Variants in NDUFA11 observed in about 807,000 individuals in gnomAD.
NDUFA11 encodes NADH:ubiquinone oxidoreductase subunit A11.
Under a neutral mutation model 11.3 loss-of-function variants are expected in NDUFA11, and 14 were observed. The observed-to-expected ratio is 1.24, with a 90% CI of 0.82 to 1.94. The LOEUF is 1.94. NDUFA11 is among the 30% of genes most tolerant of loss of function. The probability of loss-of-function intolerance (pLI) is 0.00; values close to 1 mark genes in which losing one functional copy is unlikely to be tolerated. For missense variants in NDUFA11, 204 were observed against 200.3 expected (o/e 1.02, Z -0.11); for synonymous variants, 87 against 85.6 (o/e 1.02, Z -0.09).
intron 1 of NDUFA11, chr19:5,901,528 G>A: frequency 1.7e-6 from 2 of 1,204,758 alleles, no homozygotes; most frequent in East Asian, 1.2e-4. Flanking sequence ...TGATGATTAG[G>A]TCTGCCCTAA....
downstream of NDUFA11, among the ~76,000 whole-genome samples, chr19:5,893,737 G>T (rs2057591172): frequency 6.6e-6 from 1 of 152,212 alleles, no homozygotes; most frequent in African/African-American, 2.4e-5. This position sits in a 1 kb window ranked among gnomAD's most constrained non-coding sequence, Gnocchi z 4.1. Flanking sequence ...GACAGAGAAG[G>T]ATATGAGGCT....
In NDUFA11 at chr19:5,896,398, A is replaced by C. The variant is rs1235042098; in HGVS notation, c.313+55T>G. 8.7e-7 allele frequency: 1 copy of C among 1,148,140 alleles called. No individual in the cohort carries two copies. Among genetic ancestry groups the C allele is most frequent in the Non-Finnish European group, 1.1e-6 (1 of 890,174 alleles). The allele number at this position is 1,148,140 out of a possible 1,614,324, so 71.1% of individuals were successfully genotyped here. On this transcript the variant is annotated intron_variant, in intron 3 of 3. Transcript: ENST00000308961. The surrounding 1 kb of genome is among the most constrained non-coding windows in gnomAD (Gnocchi z 5.8). The stretch of plus-strand genomic sequence containing the variant: ...AGAGGGTGGAGGATGAGCAGAGGTC[A>C]GGGGTCATTCTGCCAGGCTGGGAGG...
intron 1 of NDUFA11, chr19:5,902,677 G>C (rs946353741): frequency 3.9e-5 from 6 of 152,398 alleles, no homozygotes; most frequent in African/African-American, 1.4e-4. Context: ...GAAACGCTCA[G>C]GCTGGAAGGG....
At chr19:5,903,055 C>G (rs1450625119) in intron 1 of NDUFA11, among the ~76,000 whole-genome samples, 1 of 151,738 alleles carries the variant, frequency 6.6e-6, no homozygotes, top group East Asian at 1.9e-4. Flanking sequence ...TGCGGGTCCC[C>G]TTCATTCCCC....
intron 1 of NDUFA11, 40 bp downstream of exon 1, chr19:5,903,572 G>T: frequency 6.5e-7 from 1 of 1,532,082 alleles, no homozygotes; most frequent in Non-Finnish European, 8.8e-7. Context: ...ACCTCCCTGC[G>T]GCCTCGGCCC....
downstream of NDUFA11, chr19:5,892,896 GAGGACAGAACA>G: frequency 7.0e-7 from 1 of 1,428,176 alleles, no homozygotes; most frequent in Non-Finnish European, 9.1e-7. Flanking sequence ...GCCGTCCTCT[GAGGACAGAACA>G]AGGAAAGAAT....
At chr19:5,893,153 C>T (rs1430123795), downstream of NDUFA11, 55 of 1,535,950 alleles carry the variant, frequency 3.6e-5, no homozygotes, top group Non-Finnish European at 4.3e-5. This position sits in a 1 kb window ranked among gnomAD's most constrained non-coding sequence, Gnocchi z 4.1. Flanking sequence ...TCGAGGCAGG[C>T]GCTGGAAGAA....
chr19:5,903,787 A>G lies in NDUFA11; in HGVS notation c.-79T>C. ...GGCAGCCGCGGCTGGCTATCGCGAG[A>G]CTTCTCGGGCTGCGCGCGCAACCTT... On this transcript the variant is annotated 5_prime_UTR_variant, in exon 1 of 4. Coordinates refer to ENST00000308961, the MANE Select transcript of NDUFA11 (RefSeq NM_175614.5). 1 of 1,441,758 alleles carries G rather than the reference A, an allele frequency of 6.9e-7. No homozygotes were observed. The highest frequency in any genetic ancestry group is 9.5e-7 in the Non-Finnish European group (1 of 1,048,178). The allele number at this position is 1,441,758 out of a possible 1,614,324, so 89.3% of individuals were successfully genotyped here.
At chr19:5,893,822 C>A (rs1022315017), downstream of NDUFA11, among the ~76,000 whole-genome samples, 1 of 152,168 alleles carries the variant, frequency 6.6e-6, no homozygotes, top group African/African-American at 2.4e-5. This position sits in a 1 kb window ranked among gnomAD's most constrained non-coding sequence, Gnocchi z 4.1. Flanking sequence ...GGGCCGGATA[C>A]GGGTCAGGAG....
chr19:5,894,638 G>A (rs765487867), downstream of NDUFA11: 2 of 1,545,170 alleles, frequency 1.3e-6, no homozygotes, highest in South Asian at 1.2e-5. Flanking sequence ...CTCACCGGCT[G>A]CTGTGTCGCC....
chr19:5,900,863 A>G (rs1219518414), intron 1 of NDUFA11, among the ~76,000 whole-genome samples: 4 of 151,054 alleles, frequency 2.6e-5, no homozygotes, highest in African/African-American at 4.9e-5. Flanking sequence ...GTAAGCCAAG[A>G]TCGCACCACT....
At chr19:5,899,063 G>GCACACA (rs149358572) in intron 1 of NDUFA11, among the ~76,000 whole-genome samples, 2 of 147,332 alleles carry the variant, frequency 1.4e-5, no homozygotes, top group African/African-American at 5.0e-5. Flanking sequence ...TTCAGTCAGT[G>GCACACA]CACACACACA....
chr19:5,896,219 G>A lies in NDUFA11; in HGVS notation c.313+234C>T. On this transcript the variant is annotated intron_variant, in intron 3 of 3. Coordinates refer to ENST00000308961, the MANE Select transcript of NDUFA11 (RefSeq NM_175614.5). This position sits in a 1 kb window ranked among gnomAD's most constrained non-coding sequence, Gnocchi z 5.8. ...GGAGGAGCAGTGAGGAGGCCCGTGT[G>A]GCTGGAGCAGAGTGAGGAGGGGAGG... The A allele has an allele frequency of 1.7e-6, 1 of 604,344 alleles. No homozygotes were observed. Among genetic ancestry groups the A allele is most frequent in the Non-Finnish European group, 2.9e-6 (1 of 340,362 alleles). The allele number at this position is 604,344 out of a possible 1,614,324, so 37.4% of individuals were successfully genotyped here.
intron 1 of NDUFA11, among the ~76,000 whole-genome samples, chr19:5,900,710 G>A (rs1020202817): frequency 6.6e-6 from 1 of 152,140 alleles, no homozygotes; most frequent in African/African-American, 2.4e-5. Context: ...CTGAGGTCAG[G>A]AGGTTGAGAC....
At chr19:5,897,648 C>G (rs2087552214) in intron 1 of NDUFA11, among the ~76,000 whole-genome samples, 1 of 152,242 alleles carries the variant, frequency 6.6e-6, no homozygotes, top group African/African-American at 2.4e-5. Context: ...CCTCGCCACT[C>G]CGGTCAGCTT....
At chr19:5,894,573 G>A (rs12974991), downstream of NDUFA11, 103,133 of 1,373,222 alleles carry the variant, frequency 0.075, 4,374 homozygotes, top group Middle Eastern at 0.11. Context: ...GCAGGCAGGC[G>A]CGTGTGCAGG....
downstream of NDUFA11, chr19:5,892,832 T>C: frequency 7.2e-7 from 1 of 1,381,734 alleles, no homozygotes; most frequent in Non-Finnish European, 9.4e-7. Flanking sequence ...GTGGGGCATC[T>C]CTGAGGGGCC....
downstream of NDUFA11, chr19:5,894,596 A>G (rs948280123): frequency 1.9e-4 from 287 of 1,506,506 alleles, no homozygotes; most frequent in Non-Finnish European, 2.5e-4. Context: ...GCCTTATCTT[A>G]TCTCCCTTCC....
downstream of NDUFA11, chr19:5,893,008 T>C: frequency 6.5e-7 from 1 of 1,532,028 alleles, no homozygotes; most frequent in Non-Finnish European, 8.7e-7. This position sits in a 1 kb window ranked among gnomAD's most constrained non-coding sequence, Gnocchi z 4.1. Flanking sequence ...GGGTGCGGGG[T>C]GGGTGTGTCC....
Sources: allele counts gnomAD v4.1 joint callset (sites outside exome capture counted in the v4.1 genomes callset), GRCh38; gene constraint gnomAD v4.1.1; non-coding constraint Gnocchi (gnomAD v3.1); transcripts MANE v1.5; gene names NCBI Gene and HGNC (gene_info 2026-07-23, HGNC 2026-07-21).